Variants in RBM43 observed in about 807,000 individuals in gnomAD.
RBM43 encodes the protein RNA-binding protein 43.
RBM43 carries 12 observed loss-of-function variants against 12.4 expected under a neutral mutation model. The observed-to-expected ratio is 0.97, with a 90% confidence interval of 0.62 to 1.57. RBM43 has a LOEUF of 1.57. Ranked by LOEUF, RBM43 falls within the 40% of genes most tolerant of loss-of-function variation. The pLI, the probability that RBM43 is intolerant of heterozygous loss-of-function variation, is 0.00. For synonymous variants in RBM43, 138 were observed against 145.7 expected, an observed-to-expected ratio of 0.95 and a Z score of 0.38; for missense variants, 348 against 400.1, an observed-to-expected ratio of 0.87 and a Z score of 1.11.
At chr2:151,260,141 T>TC (rs1486267217) in intron 1 of RBM43, among the ~76,000 whole-genome samples, 1 of 151,568 alleles carries the variant, frequency 6.6e-6, no homozygotes, top group Non-Finnish European at 1.5e-5. Flanking sequence ...CTTTTTTTTT[T>TC]TTTAGACAGC....
chr2:151,256,092 G>A (rs1045114267), intron 1 of RBM43, among the ~76,000 whole-genome samples: 7 of 152,020 alleles, frequency 4.6e-5, no homozygotes, highest in Admixed American at 3.9e-4. Flanking sequence ...CCCTCAAGTA[G>A]CTGGGATTAC....
At chr2:151,261,391 G>C in intron 1 of RBM43, 6 of 1,550,608 alleles carry the variant, frequency 3.9e-6, no homozygotes, top group Non-Finnish European at 5.2e-6. Context: ...CTCGACGAAC[G>C]GCGGCGTCCC....
intron 1 of RBM43, 41 bp from the exon 2 acceptor site, chr2:151,255,784 C>T (rs1682964957): frequency 1.5e-6 from 2 of 1,346,264 alleles, no homozygotes; most frequent in African/African-American, 2.9e-5. Flanking sequence ...AAACACAAGA[C>T]TCTATATAAT....
At chr2:151,261,230 C>G (rs1683041280) in intron 1 of RBM43, 1 of 1,538,514 alleles carries the variant, frequency 6.5e-7, no homozygotes. Flanking sequence ...ATGAGGATGT[C>G]TTCCTGACTT....
At chr2:151,261,075 T>C in intron 1 of RBM43, 1 of 680,958 alleles carries the variant, frequency 1.5e-6, no homozygotes, top group East Asian at 2.9e-5. Context: ...TACTTGCTTT[T>C]GCATTTCCGG....
At chr2:151,255,886 G>A in intron 1 of RBM43, 143 bp from the exon 2 acceptor site, 1 of 626,956 alleles carries the variant, frequency 1.6e-6, no homozygotes, top group South Asian at 2.0e-5. Flanking sequence ...GGGTGTAGGG[G>A]AGTAAATCCT....
intron 1 of RBM43, among the ~76,000 whole-genome samples, chr2:151,260,180 C>T (rs1472639833): frequency 1.3e-5 from 2 of 150,994 alleles, no homozygotes; most frequent in East Asian, 3.9e-4. Flanking sequence ...GGCTGGAGAA[C>T]AATGGCGTGA....
rs142934811 is a variant in RBM43, at chr2:151,251,573, AT to A, written c.406del (p.Ile136SerfsTer4). On this transcript the variant is annotated frameshift_variant, in exon 4 of 4. Coordinates refer to ENST00000331426, the MANE Select transcript of RBM43 (RefSeq NM_198557.3). LOFTEE classifies it low-confidence loss of function (END_TRUNC). Reference sequence around the variant, plus strand: ...CAAAGGACTGAAGCTTAAACTCGGGATTTTTTTTTTCAGGTCTTTTACCAGA... The same window carrying A: ...CAAAGGACTGAAGCTTAAACTCGGGATTTTTTTTTCAGGTCTTTTACCAGA... ...ETLVKDLKKK[I>X]PSLSFSPLKP... 5.5e-5 allele frequency: 87 copies of A among 1,576,102 alleles called. No individual in the cohort carries two copies. The highest frequency in any genetic ancestry group is 1.7e-4 in the Middle Eastern group (1 of 5,934).
intron 2 of RBM43, 113 bp from the exon 3 acceptor site, chr2:151,252,968 T>C: frequency 1.8e-6 from 1 of 549,224 alleles, no homozygotes; most frequent in South Asian, 2.9e-5. Flanking sequence ...TTTCTACATT[T>C]TTCCTCTAAA....
rs1682846692 is a variant in RBM43 at position 151,248,349 on chromosome 2, A to G, written c.*2557T>C. 1 of 151,956 alleles carries G rather than the reference A, an allele frequency of 6.6e-6. No homozygotes were observed. Among genetic ancestry groups the G allele is most frequent in the Non-Finnish European group, 1.5e-5 (1 of 67,964 alleles). 9.4% of individuals were successfully genotyped at this position (151,956 alleles called of 1,614,324 possible). A position where few individuals can be genotyped will look rare whatever the true frequency, so the allele number is the denominator to read the frequency against. ...TTAATCTTTGCTTTAAAAAAAAAAC[A>G]GTAGGAAGGTCAAAATGACTTTGTT... is the stretch of plus-strand genomic sequence containing the variant. On this transcript the variant is annotated 3_prime_UTR_variant, in exon 4 of 4. Coordinates refer to ENST00000331426, the MANE Select transcript of RBM43 (RefSeq NM_198557.3).
At chr2:151,254,815 A>G (rs1031939285) in intron 2 of RBM43, among the ~76,000 whole-genome samples, 16 of 151,088 alleles carry the variant, frequency 1.1e-4, no homozygotes, top group African/African-American at 3.5e-4. Flanking sequence ...GGCAGATACT[A>G]TATTAGAATA....
chr2:151,258,572 C>T (rs1177449029), intron 1 of RBM43, among the ~76,000 whole-genome samples: 1 of 151,646 alleles, frequency 6.6e-6, no homozygotes, highest in African/African-American at 2.4e-5. Context: ...TGGTGCACAC[C>T]TATAGTCCCA....
chr2:151,252,025 A>T (rs1682909481), intron 3 of RBM43, among the ~76,000 whole-genome samples: 2 of 152,202 alleles, frequency 1.3e-5, no homozygotes, highest in Non-Finnish European at 2.9e-5. Flanking sequence ...AGTTCATCAG[A>T]TGGCTGCATA....
intron 1 of RBM43, among the ~76,000 whole-genome samples, chr2:151,259,270 T>G (rs941658995): frequency 6.6e-6 from 1 of 152,170 alleles, no homozygotes; most frequent in Non-Finnish European, 1.5e-5. Context: ...AAAGTAATCA[T>G]AGCACACTAT....
Position 151,251,045 on chromosome 2 carries a change from GC to G in RBM43, c.934del (p.Ala312HisfsTer5). 1 of 1,613,958 alleles carries G rather than the reference GC, an allele frequency of 6.2e-7. No homozygotes were observed. The highest frequency in any genetic ancestry group is 1.1e-5 in the South Asian group (1 of 91,084). On this transcript the variant is annotated frameshift_variant, in exon 4 of 4. Transcript: ENST00000331426. LOFTEE classifies it low-confidence loss of function (END_TRUNC). The stretch of plus-strand genomic sequence containing the variant: ...GTATCTCGAACTTAATTGTTCACAT[GC>G]CCTTTTGATCATTCTTTTCTCTCTA... ...ENREKRMIKR[A>X]CEQLSSRYLE...
intron 1 of RBM43, among the ~76,000 whole-genome samples, chr2:151,258,357 GA>G (rs1683001292): frequency 2.1e-5 from 3 of 146,188 alleles, no homozygotes; most frequent in African/African-American, 7.5e-5. Context: ...AAACCACAAG[GA>G]AAAAAACTTG....
chr2:151,252,184 C>T (rs1357179624), intron 3 of RBM43, among the ~76,000 whole-genome samples: 4 of 152,088 alleles, frequency 2.6e-5, no homozygotes, highest in South Asian at 2.1e-4. Flanking sequence ...TAGGTTGGTA[C>T]CTGGCATCAT....
Position 151,251,305 on chromosome 2 carries a change from A to C in RBM43, c.675T>G (p.Asp225Glu). ...ACTTGTGTTTCAGGTAAAGAAAAAC[A>C]TCTGTGTCAAGCACAAGCATTTCTC... is the stretch of plus-strand genomic sequence containing the variant. ...RSGEMLVLDT[D>E]VFLYLKHKCG... Residue 225 changes from aspartate (D) to glutamate (E), a missense_variant, in exon 4 of 4, where the codon GAT becomes GAG. By Grantham distance (45) the Asp-to-Glu change is conservative (BLOSUM62 2). Coordinates refer to ENST00000331426, the MANE Select transcript of RBM43 (RefSeq NM_198557.3). 1 of 1,614,072 alleles carries C rather than the reference A, an allele frequency of 6.2e-7. No homozygotes were observed. Among genetic ancestry groups the C allele is most frequent in the Non-Finnish European group, 8.5e-7 (1 of 1,180,004 alleles).
chr2:151,256,335 G>A (rs1325077969), intron 1 of RBM43, among the ~76,000 whole-genome samples: 1 of 152,058 alleles, frequency 6.6e-6, no homozygotes, highest in African/African-American at 2.4e-5. Context: ...AATGGAAGAA[G>A]TTACAAAGGA....
Sources: allele counts gnomAD v4.1 joint callset (sites outside exome capture counted in the v4.1 genomes callset), GRCh38; gene constraint gnomAD v4.1.1; transcripts MANE v1.5; gene names NCBI Gene and HGNC (gene_info 2026-07-23, HGNC 2026-07-21).